TLCD3B: variants seen among roughly 807,000 people sequenced by gnomAD.
TLCD3B encodes the protein TLC domain containing 3B.
TLCD3B carries 9 observed loss-of-function variants against 23.0 expected under a neutral mutation model. That is an observed-to-expected ratio of 0.39 (90% CI 0.24 to 0.68). The LOEUF is 0.68. Ranked by LOEUF, TLCD3B falls within the 30% of genes least tolerant of loss-of-function variation. TLCD3B has a pLI of 0.44. For synonymous variants in TLCD3B, 161 were observed against 161.0 expected (o/e 1.00, Z 0.00); for missense variants, 307 against 371.8 (o/e 0.83, Z 1.43).
At chr16:30,039,810 C>T (rs2071544193) in intron 3 of TLCD3B, among the ~76,000 whole-genome samples, 1 of 151,706 alleles carries the variant, frequency 6.6e-6, no homozygotes, top group Non-Finnish European at 1.5e-5. Flanking sequence ...TATTTTCTTC[C>T]CTCTGGATGG....
chr16:30,037,542 CAA>C (rs78393499), intron 3 of TLCD3B, among the ~76,000 whole-genome samples: 49 of 80,072 alleles, frequency 6.1e-4, no homozygotes, highest in Admixed American at 8.1e-4. Flanking sequence ...GACTGTGTTT[CAA>C]AAAAAAAAAA....
At chr16:30,051,634 C>G (rs909867089) in intron 1 of TLCD3B, among the ~76,000 whole-genome samples, 1 of 152,030 alleles carries the variant, frequency 6.6e-6, no homozygotes, top group Non-Finnish European at 1.5e-5. Flanking sequence ...GCTCAGGATA[C>G]GGAGATGACT....
At chr16:30,047,277 C>T (rs2071688827) in intron 1 of TLCD3B, among the ~76,000 whole-genome samples, 1 of 152,118 alleles carries the variant, frequency 6.6e-6, no homozygotes, top group Non-Finnish European at 1.5e-5. Context: ...GCTGGGGCTA[C>T]AAGCATGTGC....
chr16:30,047,098 T>G (rs2090397104), intron 1 of TLCD3B, among the ~76,000 whole-genome samples: 1 of 152,050 alleles, frequency 6.6e-6, no homozygotes, highest in African/African-American at 2.4e-5. Flanking sequence ...GTAGCTAGAA[T>G]TACAGGCATG....
In TLCD3B at chr16:30,051,521, CAAAAAAAA is replaced by C. The variant is rs199594296; in HGVS notation, c.-294+1245_-294+1252del. Among the ~76,000 whole-genome samples the C allele has an allele frequency of 3.1e-3, 192 of 62,862 alleles. 2 individuals carry two copies. The East Asian group carries it at 0.062, about 20-fold the overall frequency. 41.2% of individuals were successfully genotyped at this position (62,862 alleles called of 152,430 possible). On this transcript the variant is annotated intron_variant, in intron 1 of 6. Coordinates refer to the TLCD3B transcript ENST00000561666. ...GGGCGACAAGAGCAAAACTCCGTTTCAAAAAAAAAAAAAAAAAAGAAAAGAAAAGAAAA... is the reference window on the plus strand; with the variant it reads ...GGGCGACAAGAGCAAAACTCCGTTTCAAAAAAAAAAGAAAAGAAAAGAAAA...
At chr16:30,031,882 C>T (rs544085699), upstream of TLCD3B, among the ~76,000 whole-genome samples, 2 of 152,214 alleles carry the variant, frequency 1.3e-5, no homozygotes, top group East Asian at 1.9e-4. Flanking sequence ...TCATTGCAGG[C>T]GTTGGAGGGG....
rs2071302993 is a variant in TLCD3B at position 30,029,914 on chromosome 16, C to T, written c.126-399G>A. 1.3e-6 allele frequency: 1 copy of T among 774,048 alleles called. No homozygotes were observed. Among genetic ancestry groups the T allele is most frequent in the Non-Finnish European group, 2.0e-6 (1 of 511,966 alleles). 47.9% of individuals were successfully genotyped at this position (774,048 alleles called of 1,614,324 possible). A position where few individuals can be genotyped will look rare whatever the true frequency, so the allele number is the denominator to read the frequency against. Reference sequence around the variant, plus strand: ...CTGTCCAGTCATGACGCAGGCCTCACTCTGGACCCTTTGTGACCCCGAGTT... The same window carrying T: ...CTGTCCAGTCATGACGCAGGCCTCATTCTGGACCCTTTGTGACCCCGAGTT... On this transcript the variant is annotated intron_variant, in intron 1 of 4. Coordinates refer to ENST00000380495, the MANE Select transcript of TLCD3B (RefSeq NM_031478.6). The surrounding 1 kb of genome is among the most constrained non-coding windows in gnomAD (Gnocchi z 4.6).
In TLCD3B at chr16:30,025,520, T is replaced by C. The variant is rs568826732; in HGVS notation, c.541-53A>G. The C allele has an allele frequency of 1.2e-6, 2 of 1,602,132 alleles. No homozygotes were observed. The highest frequency in any genetic ancestry group is 3.4e-5 in the Admixed American group (2 of 58,722). On this transcript the variant is annotated intron_variant, in intron 4 of 4. Transcript: ENST00000380495. This position sits in a 1 kb window ranked among gnomAD's most constrained non-coding sequence, Gnocchi z 4.1. Reference sequence around the variant, plus strand: ...GGCAGCAGAAGGGCTCGGCCCCCCTTGGCCCTCTCCCTGCCTCCCTGCGAC... The same window carrying C: ...GGCAGCAGAAGGGCTCGGCCCCCCTCGGCCCTCTCCCTGCCTCCCTGCGAC...
rs1413351204 is a variant in TLCD3B at position 30,029,421 on chromosome 16, G to A, written c.209+11C>T. 5 of 1,612,768 alleles carry A rather than the reference G, an allele frequency of 3.1e-6. No homozygotes were observed. The highest frequency in any genetic ancestry group is 1.7e-5 in the Admixed American group (1 of 59,982). ...TGGCACCTGGGCAGGGGGGTGTCTC[G>A]CAGCACTTACTGGTCATCAATGATG... On this transcript the variant is annotated intron_variant, in intron 2 of 4. Transcript: ENST00000380495. This position sits in a 1 kb window ranked among gnomAD's most constrained non-coding sequence, Gnocchi z 4.6.
At chr16:30,027,878 A>T (rs957465962) in intron 2 of TLCD3B, 2 of 338,076 alleles carry the variant, frequency 5.9e-6, no homozygotes, top group African/African-American at 4.3e-5. Context: ...ATCACCAAAC[A>T]TGAGGCACGT....
intron 1 of TLCD3B, among the ~76,000 whole-genome samples, chr16:30,050,815 G>A (rs774922256): frequency 2.0e-5 from 3 of 152,182 alleles, no homozygotes; most frequent in African/African-American, 7.2e-5. Context: ...CTGTGGTGAG[G>A]TATGTTGGGG....
intron 2 of TLCD3B, among the ~76,000 whole-genome samples, chr16:30,042,276 T>C (rs114588746): frequency 0.097 from 14,805 of 152,086 alleles, 1,027 homozygotes; most frequent in African/African-American, 0.19. Flanking sequence ...TTTTACTCTT[T>C]TGCACAGGCT....
Position 30,030,428 on chromosome 16 carries a change from C to T in TLCD3B, c.100G>A (p.Ala34Thr), listed in dbSNP as rs202190132. ...CTGGCTGAGACAATGACTGCGTCGGCCTCCTCCCAGCGTAGCTGGGGCAGC... is the reference window on the plus strand; with the variant it reads ...CTGGCTGAGACAATGACTGCGTCGGTCTCCTCCCAGCGTAGCTGGGGCAGC... ...QRLPQLRWEE[A>T]DAVIVSARLV... The change falls in exon 1 of 5, where the codon GCC becomes ACC. Residue 34 changes from alanine (A) to threonine (T), a missense_variant. Ala to Thr is a moderately conservative substitution (Grantham distance 58). Transcript: ENST00000380495. 32 of 1,597,150 alleles carry T rather than the reference C, an allele frequency of 2.0e-5. No homozygotes were observed. Among genetic ancestry groups the T allele is most frequent in the Non-Finnish European group, 2.6e-5 (30 of 1,173,416 alleles).
chr16:30,026,243 A>G (rs2071127594), intron 3 of TLCD3B, among the ~76,000 whole-genome samples: 1 of 150,898 alleles, frequency 6.6e-6, no homozygotes, highest in Non-Finnish European at 1.5e-5. Context: ...TTGGAAAGAA[A>G]AAAAAGAGAA....
rs202190132 is a variant in TLCD3B, at chr16:30,030,428, C to G, written c.100G>C (p.Ala34Pro). The part of the protein sequence containing the change: ...QRLPQLRWEE[A>P]DAVIVSARLV... ...CTGGCTGAGACAATGACTGCGTCGG[C>G]CTCCTCCCAGCGTAGCTGGGGCAGC... The change falls in exon 1 of 5, where the codon GCC becomes CCC. Residue 34 changes from alanine (A) to proline (P), a missense_variant. By Grantham distance (27) the Ala-to-Pro change is conservative. Transcript: ENST00000380495. 2.5e-6 allele frequency: 4 copies of G among 1,597,150 alleles called. No homozygotes were observed. Among genetic ancestry groups the G allele is most frequent in the Non-Finnish European group, 3.4e-6 (4 of 1,173,416 alleles).
chr16:30,025,041 G>A lies in TLCD3B; in HGVS notation c.*142C>T, dbSNP rs2071040413. 1 of 586,580 alleles carries A rather than the reference G, an allele frequency of 1.7e-6. No individual in the cohort carries two copies. Among genetic ancestry groups the A allele is most frequent in the Admixed American group, 3.6e-5 (1 of 28,154 alleles). The allele number at this position is 586,580 out of a possible 1,614,324, so 36.3% of individuals were successfully genotyped here. On this transcript the variant is annotated 3_prime_UTR_variant, in exon 5 of 5. Coordinates refer to ENST00000380495, the MANE Select transcript of TLCD3B (RefSeq NM_031478.6). The surrounding 1 kb of genome is among the most constrained non-coding windows in gnomAD (Gnocchi z 4.1). ...CCACCCCCTCAGTCCCCGAGAGATG[G>A]GGCCTCTTCCCTTTCGGGGTCATCG...
rs1596727909 is a variant in TLCD3B, at chr16:30,025,108, A to G, written c.*75T>C. ...CCGGGCAAGAGGACCCTGGCTCCCA[A>G]CCCCAGCCATCAGCCCCAGAGCCCT... On this transcript the variant is annotated 3_prime_UTR_variant, in exon 5 of 5. Transcript: ENST00000380495. This position sits in a 1 kb window ranked among gnomAD's most constrained non-coding sequence, Gnocchi z 4.1. 25 of 1,067,240 alleles carry G rather than the reference A, an allele frequency of 2.3e-5. No individual in the cohort carries two copies. The highest frequency in any genetic ancestry group is 3.1e-5 in the Non-Finnish European group (24 of 770,748). 66.1% of individuals were successfully genotyped at this position (1,067,240 alleles called of 1,614,324 possible). A position where few individuals can be genotyped will look rare whatever the true frequency, so the allele number is the denominator to read the frequency against.
At chr16:30,035,302 T>C (rs1209695691), upstream of TLCD3B, 1 of 1,284,956 alleles carries the variant, frequency 7.8e-7, no homozygotes, top group East Asian at 5.6e-5. Context: ...AAAGATCAGT[T>C]CCACCAGCCA....
intron 2 of TLCD3B, among the ~76,000 whole-genome samples, chr16:30,043,060 A>G (rs903645923): frequency 2.0e-5 from 3 of 152,086 alleles, no homozygotes; most frequent in Admixed American, 6.6e-5. Context: ...AGATCAGACC[A>G]CTGCACTCCA....
Sources: allele counts gnomAD v4.1 joint callset (sites outside exome capture counted in the v4.1 genomes callset), GRCh38; gene constraint gnomAD v4.1.1; non-coding constraint Gnocchi (gnomAD v3.1); transcripts MANE v1.5; gene names NCBI Gene and HGNC (gene_info 2026-07-23, HGNC 2026-07-21).